The following ZSCAN32 variants were observed in gnomAD, a reference collection of about 807,000 sequenced individuals.
ZSCAN32 encodes zinc finger and SCAN domain-containing protein 32.
ZSCAN32 carries 52 observed loss-of-function variants against 47.4 expected under a neutral mutation model. That is an observed-to-expected ratio of 1.10 (90% CI 0.88 to 1.38). The LOEUF (loss-of-function observed/expected upper bound fraction) is 1.38. Ranked by LOEUF, ZSCAN32 falls within the 40% of genes most tolerant of loss-of-function variation. The pLI is 0.00. For synonymous variants in ZSCAN32, 346 were observed against 305.7 expected (o/e 1.13, Z -1.38); for missense variants, 959 against 846.0 (o/e 1.13, Z -1.66).
intron 5 of ZSCAN32, among the ~76,000 whole-genome samples, chr16:3,388,837 G>T (rs1350270533): frequency 6.6e-6 from 1 of 152,140 alleles, no homozygotes; most frequent in Non-Finnish European, 1.5e-5. Context: ...TCTGCAAAGG[G>T]CTTGCAGGGG....
chr16:3,390,171 G>C lies in ZSCAN32; in HGVS notation c.628-38C>G, dbSNP rs550432357. On this transcript the variant is annotated intron_variant, in intron 4 of 6. Transcript: ENST00000396852. ...TGGAGCTGCTGCTACCGATAAAATA[G>C]CACCACTCTAGCCTGGGGTGGGGGC... 2.9e-5 allele frequency: 45 copies of C among 1,563,178 alleles called. 1 individual carries two copies. The African/African-American group carries it at 5.7e-4, about 20-fold the overall frequency.
In ZSCAN32 at chr16:3,384,758, C is replaced by T. The variant is rs142839747; in HGVS notation, c.935G>A (p.Ser312Asn). The T allele has an allele frequency of 1.2e-4, 199 of 1,614,188 alleles. 1 individual carries two copies. In the African/African-American group the frequency reaches 2.5e-3, roughly 20 times the overall value. The change falls in exon 6 of 7, where the codon AGC becomes AAC. Residue 312 changes from serine (S) to asparagine (N), a missense_variant. By Grantham distance (46) the Ser-to-Asn change is conservative. Coordinates refer to ENST00000396852, the MANE Select transcript of ZSCAN32 (RefSeq NM_001284527.2). ...TPEQCRTKFKSLQLSYRKVRR... is the reference protein window; with the variant it reads ...TPEQCRTKFKNLQLSYRKVRR... ...CACTTTGCGGTAACTCAACTGTAGG[C>T]TTTTGAACTTGGTGCGACACTGTTC...
At chr16:3,390,207 T>A in intron 4 of ZSCAN32, 74 bp from the exon 5 acceptor site, 2 of 1,499,004 alleles carry the variant, frequency 1.3e-6, no homozygotes, top group Non-Finnish European at 1.8e-6. Context: ...AGAGACAGGA[T>A]CACAGTTGTC....
chr16:3,386,426 C>T (rs1022833663), intron 5 of ZSCAN32, among the ~76,000 whole-genome samples: 25 of 152,182 alleles, frequency 1.6e-4, no homozygotes, highest in African/African-American at 5.6e-4. Context: ...TTTGACCCAG[C>T]AATCCCATTA....
chr16:3,383,292 T>C lies in ZSCAN32; in HGVS notation c.1654A>G (p.Ser552Gly). Residue 552 changes from serine (S) to glycine (G), a missense_variant, in exon 7 of 7, where the codon AGT (serine) becomes GGT (glycine). Ser to Gly is a moderately conservative substitution (Grantham distance 56). Coordinates refer to ENST00000396852, the MANE Select transcript of ZSCAN32 (RefSeq NM_001284527.2). ...IHTGEKPHKCSECGKGFSERS... is the reference protein window; with the variant it reads ...IHTGEKPHKCGECGKGFSERS... Reference sequence around the variant, plus strand: ...TCACTAAAGCCCTTCCCGCACTCACTGCACTTGTGAGGCTTCTCGCCTGTG... The same window carrying C: ...TCACTAAAGCCCTTCCCGCACTCACCGCACTTGTGAGGCTTCTCGCCTGTG... The C allele has an allele frequency of 1.9e-6, 3 of 1,614,246 alleles. No homozygotes were observed. The highest frequency in any genetic ancestry group is 2.5e-6 in the Non-Finnish European group (3 of 1,180,040).
In ZSCAN32 at chr16:3,383,720, A is replaced by G. The variant is rs1216150870; in HGVS notation, c.1235-9T>C. On this transcript the variant is annotated splice_polypyrimidine_tract_variant and intron_variant, in intron 6 of 6. Coordinates refer to ENST00000396852, the MANE Select transcript of ZSCAN32 (RefSeq NM_001284527.2). ...GTTCTTGAACTCAAAACCTGAAAAA[A>G]AAAAACCCCACAGAAATACAATGGA... 6.4e-7 allele frequency: 1 copy of G among 1,564,768 alleles called. No homozygotes were observed. The highest frequency in any genetic ancestry group is 8.6e-7 in the Non-Finnish European group (1 of 1,167,430).
chr16:3,387,872 G>A (rs542669338), intron 5 of ZSCAN32, among the ~76,000 whole-genome samples: 61 of 152,280 alleles, frequency 4.0e-4, no homozygotes, highest in Non-Finnish European at 7.1e-4. Flanking sequence ...CCAGCAAAAA[G>A]AGACACAAAT....
intron 1 of ZSCAN32, among the ~76,000 whole-genome samples, chr16:3,398,584 A>G (rs1379556745): frequency 6.6e-6 from 1 of 152,222 alleles, no homozygotes; most frequent in Non-Finnish European, 1.5e-5. Context: ...GGGCAGTTAC[A>G]GTACCAAAAA....
At chr16:3,395,096 A>T (rs114881114) in intron 2 of ZSCAN32, among the ~76,000 whole-genome samples, 3,068 of 152,274 alleles carry the variant, frequency 0.02, 84 homozygotes, top group African/African-American at 0.06. Context: ...GTTCACTGTA[A>T]AATCCTCAAT....
Position 3,382,706 on chromosome 16 carries a change from C to A in ZSCAN32, c.*146G>T. On this transcript the variant is annotated 3_prime_UTR_variant, in exon 7 of 7. Transcript: ENST00000396852. ...GCCAGGAGAGGTCAGCGTCCTTATG[C>A]TGACTCCTGGTCCTAGACATGGGTC... 1.5e-6 allele frequency: 2 copies of A among 1,334,124 alleles called. No homozygotes were observed. The highest frequency in any genetic ancestry group is 3.7e-5 in the South Asian group (2 of 53,720). 82.6% of individuals were successfully genotyped at this position (1,334,124 alleles called of 1,614,324 possible). A position where few individuals can be genotyped will look rare whatever the true frequency, so the allele number is the denominator to read the frequency against.
At position 3,384,763 on chromosome 16, in the gene ZSCAN32, G is replaced by A; in HGVS notation, c.930C>T (p.Phe310=). ...LRTPEQCRTK[F]KSLQLSYRKV... ...TGCGGTAACTCAACTGTAGGCTTTT[G>A]AACTTGGTGCGACACTGTTCTGGGG... The change falls in exon 6 of 7, where the codon TTC becomes TTT. Residue 310 remains phenylalanine (F), a synonymous_variant. Coordinates refer to ENST00000396852, the MANE Select transcript of ZSCAN32 (RefSeq NM_001284527.2). 1 of 1,614,192 alleles carries A rather than the reference G, an allele frequency of 6.2e-7. No individual in the cohort carries two copies. The highest frequency in any genetic ancestry group is 8.5e-7 in the Non-Finnish European group (1 of 1,180,040).
intron 4 of ZSCAN32, 103 bp from the exon 5 acceptor site, chr16:3,390,236 A>C: frequency 6.8e-7 from 1 of 1,470,966 alleles, no homozygotes; most frequent in Admixed American, 2.4e-5. Context: ...GGCAAGGCAA[A>C]GGCAGGGGAG....
intron 3 of ZSCAN32, among the ~76,000 whole-genome samples, chr16:3,392,934 A>AT (rs1357525659): frequency 6.6e-6 from 1 of 151,404 alleles, no homozygotes. Context: ...TCTGGAAAAG[A>AT]TTAAGTTGGA....
chr16:3,384,818 T>C lies in ZSCAN32; in HGVS notation c.875A>G (p.Glu292Gly). Residue 292 changes from glutamate to glycine, a missense_variant, in exon 6 of 7, where the codon GAA becomes GGA. Physicochemically the swap from Glu to Gly is moderately conservative, Grantham distance 98. Transcript: ENST00000396852. The stretch of plus-strand genomic sequence containing the variant: ...CAGAAAACCCTGCTCCCAGAGTCCT[T>C]CCGCCATGGCCCTGTAGATCTGGCT... ...QNSQIYRAMAEGLWEQGFLRT... is the reference protein window; with the variant it reads ...QNSQIYRAMAGGLWEQGFLRT... 3.1e-6 allele frequency: 5 copies of C among 1,614,178 alleles called. No homozygotes were observed. The highest frequency in any genetic ancestry group is 3.4e-6 in the Non-Finnish European group (4 of 1,180,008).
chr16:3,396,805 G>A (rs1803483289), intron 2 of ZSCAN32, among the ~76,000 whole-genome samples: 1 of 152,152 alleles, frequency 6.6e-6, no homozygotes, highest in South Asian at 2.1e-4. Flanking sequence ...ATTTTGTTGA[G>A]TGTACAACAC....
In ZSCAN32 at chr16:3,389,937, C is replaced by CT. The variant is rs1415503607; in HGVS notation, c.751+72dup. On this transcript the variant is annotated intron_variant, in intron 5 of 6. Coordinates refer to ENST00000396852, the MANE Select transcript of ZSCAN32 (RefSeq NM_001284527.2). ...CTCCCCACTCCCTCTGTCTCCCTCC[C>CT]TCTCAAGTCCTTTCAGCCTCTCTGA... is the stretch of plus-strand genomic sequence containing the variant. 3 of 1,448,076 alleles carry CT rather than the reference C, an allele frequency of 2.1e-6. No individual in the cohort carries two copies. In the African/African-American group the frequency reaches 4.2e-5, roughly 20 times the overall value. 89.7% of individuals were successfully genotyped at this position (1,448,076 alleles called of 1,614,324 possible).
In ZSCAN32 at chr16:3,382,460, C is replaced by G; in HGVS notation, c.*392G>C. The G allele has an allele frequency of 6.2e-6, 1 of 161,554 alleles. No homozygotes were observed. Among genetic ancestry groups the G allele is most frequent in the Non-Finnish European group, 1.3e-5 (1 of 74,246 alleles). 10.0% of individuals were successfully genotyped at this position (161,554 alleles called of 1,614,324 possible). A position where few individuals can be genotyped will look rare whatever the true frequency, so the allele number is the denominator to read the frequency against. ...TATTGGTTTAGAAGAGATTCAGGCC[C>G]TTAACTTTTACATGTGCTTTCCAGG... is the stretch of plus-strand genomic sequence containing the variant. On this transcript the variant is annotated 3_prime_UTR_variant, in exon 7 of 7. Transcript: ENST00000396852.
At chr16:3,400,037 CACA>C (rs1277338586) in intron 1 of ZSCAN32, among the ~76,000 whole-genome samples, 8 of 152,280 alleles carry the variant, frequency 5.3e-5, no homozygotes, top group East Asian at 3.9e-4. Context: ...ATCCAGCATG[CACA>C]ACAAGATGAA....
At chr16:3,390,172 C>A in intron 4 of ZSCAN32, 39 bp from the exon 5 acceptor site, 2 of 1,560,070 alleles carry the variant, frequency 1.3e-6, no homozygotes, top group Non-Finnish European at 8.7e-7. Flanking sequence ...GATAAAATAG[C>A]ACCACTCTAG....
Sources: allele counts gnomAD v4.1 joint callset (sites outside exome capture counted in the v4.1 genomes callset), GRCh38; gene constraint gnomAD v4.1.1; transcripts MANE v1.5; gene names NCBI Gene and HGNC (gene_info 2026-07-23, HGNC 2026-07-21).